The following ACTA2 variants were observed in gnomAD, a reference collection of about 807,000 sequenced individuals.
ACTA2 encodes the protein actin, aortic smooth muscle.
In ACTA2, 12 loss-of-function variants were observed where a neutral mutation model predicts 39.5. That is an observed-to-expected ratio of 0.30 (90% confidence interval 0.19 to 0.49). The LOEUF is 0.49. Among genes scored for constraint, ACTA2 ranks in the 20% least tolerant of loss-of-function variants. The probability of loss-of-function intolerance (pLI) is 0.99; values close to 1 mark genes in which losing one functional copy is unlikely to be tolerated. For missense variants in ACTA2, 236 were observed against 498.8 expected (o/e 0.47, Z 5.02); for synonymous variants, 158 against 180.6 (o/e 0.88, Z 1.00).
At chr10:88,949,392 C>T (rs995932958) in intron 1 of ACTA2, among the ~76,000 whole-genome samples, 10 of 152,138 alleles carry the variant, frequency 6.6e-5, no homozygotes, top group African/African-American at 2.4e-4. Context: ...TCTAGATATG[C>T]TATACCTTTT....
chr10:88,947,037 C>T (rs1845963256), intron 3 of ACTA2: 1 of 517,878 alleles, frequency 1.9e-6, no homozygotes, highest in African/African-American at 1.9e-5. Flanking sequence ...TGATGGTTTC[C>T]AGCTTCATCC....
rs1846324582 is a variant in ACTA2 at position 88,966,732 on chromosome 10, C to T, written c.-23-17779G>A. Among the ~76,000 whole-genome samples, 5 of 152,202 alleles carry T rather than the reference C, an allele frequency of 3.3e-5. No homozygotes were observed. In the South Asian group the frequency reaches 1.0e-3, roughly 31 times the overall value. ...GCAAAATGACAATGGCACTTGCCAG[C>T]CACCACTTTTCAGGGCTCCTGAGCA... On this transcript the variant is annotated intron_variant, in intron 1 of 4. Coordinates refer to the ACTA2 transcript ENST00000415557.
At position 88,942,942 on chromosome 10, in the gene ACTA2, A is replaced by C. The variant is rs1388; in HGVS notation, c.369+855T>G. Among the ~76,000 whole-genome samples the C allele has an allele frequency of 7.8e-3, 1,183 of 152,348 alleles. 5 individuals are homozygous for C. Among genetic ancestry groups the C allele is most frequent in the Non-Finnish European group, 0.011 (756 of 68,030 alleles). Reference sequence around the variant, plus strand: ...TACATTTATGATTCTTCAATGCTGGAAGATCGTGGATCAATCCCAGGCTTT... The same window carrying C: ...TACATTTATGATTCTTCAATGCTGGCAGATCGTGGATCAATCCCAGGCTTT... On this transcript the variant is annotated intron_variant, in intron 4 of 8. Transcript: ENST00000224784.
chr10:88,986,829 T>C (rs1846906374), intron 1 of ACTA2, among the ~76,000 whole-genome samples: 1 of 152,198 alleles, frequency 6.6e-6, no homozygotes, highest in Non-Finnish European at 1.5e-5. Flanking sequence ...CTTACTTTTT[T>C]TCATCTGAAC....
chr10:88,967,199 T>A (rs1205784063), intron 1 of ACTA2, among the ~76,000 whole-genome samples: 1 of 152,216 alleles, frequency 6.6e-6, no homozygotes, highest in Non-Finnish European at 1.5e-5. Flanking sequence ...GGTAATTTTA[T>A]ACTGAAGAGC....
intron 8 of ACTA2, 71 bp downstream of exon 8, chr10:88,937,990 G>A (rs1845774394): frequency 1.3e-6 from 2 of 1,567,900 alleles, no homozygotes; most frequent in Non-Finnish European, 1.8e-6. Flanking sequence ...AGTCTCTGAA[G>A]AGTTCTTATC....
At chr10:88,977,378 A>G (rs1186030945) in intron 1 of ACTA2, among the ~76,000 whole-genome samples, 1 of 151,496 alleles carries the variant, frequency 6.6e-6, no homozygotes, top group Admixed American at 6.6e-5. Context: ...AGCTTTCTAC[A>G]TATGGCTAGC....
intron 8 of ACTA2, among the ~76,000 whole-genome samples, chr10:88,937,074 G>A (rs1845755008): frequency 6.6e-6 from 1 of 152,182 alleles, no homozygotes; most frequent in Non-Finnish European, 1.5e-5. Flanking sequence ...AGTAAGGGGG[G>A]TAAGAGCTGA....
At chr10:88,973,296 C>T (rs776167705) in intron 1 of ACTA2, 14 of 1,611,382 alleles carry the variant, frequency 8.7e-6, no homozygotes, top group Non-Finnish European at 1.2e-5. Context: ...GTCATCATCA[C>T]CATCTGAACA....
intron 1 of ACTA2, among the ~76,000 whole-genome samples, chr10:88,985,898 T>C (rs1846867284): frequency 6.6e-6 from 1 of 152,358 alleles, no homozygotes; most frequent in East Asian, 1.9e-4. Flanking sequence ...TTGCCACTAG[T>C]AGTTTGGGAA....
intron 1 of ACTA2, among the ~76,000 whole-genome samples, chr10:88,964,464 A>T (rs1176664384): frequency 2.0e-5 from 3 of 152,186 alleles, no homozygotes; most frequent in Non-Finnish European, 4.4e-5. Flanking sequence ...TGGGAAACTA[A>T]TGATAGACAA....
At chr10:88,960,600 A>T (rs1022082255) in intron 1 of ACTA2, among the ~76,000 whole-genome samples, 22 of 151,944 alleles carry the variant, frequency 1.4e-4, no homozygotes, top group South Asian at 1.0e-3. Context: ...TATCAGTGGT[A>T]TCAGGTAGAG....
chr10:88,966,529 TA>T (rs1284812747), intron 1 of ACTA2, among the ~76,000 whole-genome samples: 1 of 152,208 alleles, frequency 6.6e-6, no homozygotes, highest in Non-Finnish European at 1.5e-5. Flanking sequence ...ATAGGCAGTA[TA>T]AACTCTTCTG....
intron 1 of ACTA2, among the ~76,000 whole-genome samples, chr10:88,959,680 A>G (rs564165712): frequency 1.3e-5 from 2 of 152,326 alleles, no homozygotes; most frequent in East Asian, 1.9e-4. Context: ...ATATTTATAC[A>G]TTTTTAAGGA....
chr10:88,958,020 C>A (rs369402968), intron 1 of ACTA2, among the ~76,000 whole-genome samples: 1 of 152,154 alleles, frequency 6.6e-6, no homozygotes, highest in Non-Finnish European at 1.5e-5. Context: ...CCTGCCTCAG[C>A]CTCCCAAAGT....
At chr10:88,985,637 TAA>T (rs1056543982) in intron 1 of ACTA2, among the ~76,000 whole-genome samples, 1 of 152,122 alleles carries the variant, frequency 6.6e-6, no homozygotes, top group African/African-American at 2.4e-5. Flanking sequence ...GGTGCCCTGG[TAA>T]AGAGTCCCCC....
At chr10:88,946,275 C>CTTTTTTT (rs35702314) in intron 3 of ACTA2, among the ~76,000 whole-genome samples, 1 of 117,084 alleles carries the variant, frequency 8.5e-6, no homozygotes, top group Non-Finnish European at 1.7e-5. Flanking sequence ...TTAATTAAAC[C>CTTTTTTT]TTTTTTTTTT....
intron 1 of ACTA2, among the ~76,000 whole-genome samples, chr10:88,950,226 G>T (rs550108069): frequency 2.0e-5 from 3 of 152,266 alleles, no homozygotes; most frequent in African/African-American, 7.2e-5. Flanking sequence ...CAATTAGGTC[G>T]AAATGTTCCG....
intron 1 of ACTA2, among the ~76,000 whole-genome samples, chr10:88,964,886 C>T (rs552721263): frequency 9.2e-5 from 14 of 152,180 alleles, no homozygotes; most frequent in South Asian, 8.3e-4. Context: ...CCTGTTTTTC[C>T]TCTGCCCTCC....
Sources: gnomAD v4.1 joint callset for allele counts (sites outside exome capture counted in the v4.1 genomes callset) on GRCh38, gnomAD v4.1.1 for gene constraint, MANE v1.5 for transcripts, NCBI Gene and HGNC (gene_info 2026-07-23, HGNC 2026-07-21) for gene names.